GALNT16: variants seen among roughly 807,000 people sequenced by gnomAD.
The protein encoded by GALNT16 is polypeptide N-acetylgalactosaminyltransferase 16.
A neutral mutation model predicts 76.1 loss-of-function variants in GALNT16; 40 were observed. The observed-to-expected ratio is 0.53, with a 90% CI of 0.41 to 0.68. The LOEUF (loss-of-function observed/expected upper bound fraction) is 0.68, where lower values mean the gene tolerates loss of function less well. Ranked by LOEUF, GALNT16 falls within the 30% of genes least tolerant of loss-of-function variation. GALNT16 has a pLI of 0.00. For synonymous variants in GALNT16, 276 were observed against 285.2 expected, an observed-to-expected ratio of 0.97 and a Z score of 0.32; for missense variants, 621 against 731.9, an observed-to-expected ratio of 0.85 and a Z score of 1.75.
chr14:69,374,368 T>A, the GALNT16 span, among the ~76,000 whole-genome samples: 1 of 152,254 alleles, frequency 6.6e-6, no homozygotes, highest in Non-Finnish European at 1.5e-5. Flanking sequence ...CCCTACTGCC[T>A]AAGATCATTC....
chr14:69,331,566 CG>C lies in GALNT16; in HGVS notation c.778+20del. ...CCTTCGTGGAGGTGAGTTCTGCTCCCGGGGGTGGGGCTGTAGACATGAAAGG... is the reference window on the plus strand; with the variant it reads ...CCTTCGTGGAGGTGAGTTCTGCTCCCGGGGTGGGGCTGTAGACATGAAAGG... On this transcript the variant is annotated intron_variant, in intron 7 of 14. Transcript: ENST00000448469. 8 of 1,494,968 alleles carry C rather than the reference CG, an allele frequency of 5.4e-6. No homozygotes were observed. The highest frequency in any genetic ancestry group is 7.5e-6 in the Non-Finnish European group (8 of 1,071,508). 92.6% of individuals were successfully genotyped at this position (1,494,968 alleles called of 1,614,324 possible).
At chr14:69,380,784 C>T in the GALNT16 span, 1 of 583,104 alleles carries the variant, frequency 1.7e-6, no homozygotes, top group Non-Finnish European at 3.1e-6. Context: ...GAGCTACTTA[C>T]ACAGTCGTTG....
chr14:69,308,349 T>C (rs1204929974), intron 1 of GALNT16, among the ~76,000 whole-genome samples: 1 of 152,214 alleles, frequency 6.6e-6, no homozygotes, highest in East Asian at 1.9e-4. Flanking sequence ...CAGTTTTCTA[T>C]CTCACCCCCA....
chr14:69,338,718 T>C lies in GALNT16; in HGVS notation c.1035T>C (p.His345=). The stretch of plus-strand genomic sequence containing the variant: ...TCGTCCCCTGCAGCCGGGTGGGCCA[T>C]GTCTTCAGGAAACGGCACCCCTACA... ...LEIVPCSRVG[H]VFRKRHPYNF... Residue 345 remains histidine, a synonymous_variant, in exon 10 of 15, where the codon CAT becomes CAC. Transcript: ENST00000448469. 6.2e-7 allele frequency: 1 copy of C among 1,613,624 alleles called. No homozygotes were observed. The highest frequency in any genetic ancestry group is 8.5e-7 in the Non-Finnish European group (1 of 1,179,820).
At chr14:69,283,669 G>C (rs1019594026) in intron 1 of GALNT16, among the ~76,000 whole-genome samples, 19 of 152,324 alleles carry the variant, frequency 1.2e-4, no homozygotes, top group Admixed American at 6.5e-4. Flanking sequence ...CCTCAGGCAA[G>C]TTACTTAACC....
intron 1 of GALNT16, among the ~76,000 whole-genome samples, chr14:69,317,085 A>G (rs2045113069): frequency 1.3e-5 from 2 of 151,296 alleles, no homozygotes; most frequent in Non-Finnish European, 2.9e-5. Context: ...TACTTTCACT[A>G]CCCCCTCCAG....
intron 1 of GALNT16, among the ~76,000 whole-genome samples, chr14:69,304,222 C>T (rs4902713): frequency 0.28 from 42,432 of 152,038 alleles, 5,921 homozygotes; most frequent in Admixed American, 0.3. Flanking sequence ...TTCTGATTTG[C>T]AATATCCAAT....
chr14:69,346,323 A>G (rs2045564058), intron 12 of GALNT16, among the ~76,000 whole-genome samples: 1 of 152,220 alleles, frequency 6.6e-6, no homozygotes, highest in Non-Finnish European at 1.5e-5. Context: ...TCTGAGATGA[A>G]TGTCTTTTAC....
intron 11 of GALNT16, 144 bp downstream of exon 11, chr14:69,339,763 C>T: frequency 6.8e-6 from 4 of 590,292 alleles, no homozygotes; most frequent in Admixed American, 3.3e-5. Context: ...TCTTTGGGTC[C>T]TGGGAGGGAA....
At chr14:69,289,913 T>G (rs1322571053) in intron 1 of GALNT16, among the ~76,000 whole-genome samples, 6 of 152,018 alleles carry the variant, frequency 3.9e-5, no homozygotes, top group African/African-American at 1.4e-4. Flanking sequence ...TTTTTTTGTT[T>G]TTTTTAATAG....
At chr14:69,340,445 G>A (rs1422323810) in intron 11 of GALNT16, among the ~76,000 whole-genome samples, 1 of 151,854 alleles carries the variant, frequency 6.6e-6, no homozygotes. Context: ...TGTGGTACTC[G>A]ATGCGTGGCG....
At chr14:69,277,714 T>C (rs1166434567) in intron 1 of GALNT16, among the ~76,000 whole-genome samples, 1 of 152,346 alleles carries the variant, frequency 6.6e-6, no homozygotes, top group African/African-American at 2.4e-5. Flanking sequence ...AGCAGCATGA[T>C]TTATAATCCT....
chr14:69,327,831 T>C (rs1418691802), intron 5 of GALNT16, among the ~76,000 whole-genome samples: 1 of 152,174 alleles, frequency 6.6e-6, no homozygotes, highest in African/African-American at 2.4e-5. Flanking sequence ...CTGGTGAGGC[T>C]ATCGGGGGAC....
chr14:69,303,973 T>C (rs10498529), intron 1 of GALNT16, among the ~76,000 whole-genome samples: 23,204 of 152,178 alleles, frequency 0.15, 2,618 homozygotes, highest in East Asian at 0.43. Context: ...CATCTTTCCA[T>C]GTTAAAAAAT....
intron 5 of GALNT16, among the ~76,000 whole-genome samples, chr14:69,327,319 C>T (rs2140173278): frequency 6.6e-6 from 1 of 152,254 alleles, no homozygotes; most frequent in Middle Eastern, 3.4e-3. Flanking sequence ...GATTGCGCCA[C>T]TGCACTCCAG....
Position 69,333,457 on chromosome 14 carries a change from T to C in GALNT16, c.864-40T>C. On this transcript the variant is annotated intron_variant, in intron 8 of 14. Transcript: ENST00000448469. The surrounding 1 kb of genome is among the most constrained non-coding windows in gnomAD (Gnocchi z 4.2). Reference sequence around the variant, plus strand: ...GCCATCTAAAGGGCCTCCTTGCTTCTCCAGCTCACGTGTTGCGTCTTCCCT... The same window carrying C: ...GCCATCTAAAGGGCCTCCTTGCTTCCCCAGCTCACGTGTTGCGTCTTCCCT... 1 of 1,266,260 alleles carries C rather than the reference T, an allele frequency of 7.9e-7. No homozygotes were observed. Among genetic ancestry groups the C allele is most frequent in the Non-Finnish European group, 1.2e-6 (1 of 863,818 alleles). The allele number at this position is 1,266,260 out of a possible 1,614,324, so 78.4% of individuals were successfully genotyped here.
chr14:69,307,074 A>C (rs72625675), intron 1 of GALNT16, among the ~76,000 whole-genome samples: 9,989 of 152,186 alleles, frequency 0.066, 613 homozygotes, highest in East Asian at 0.32. Flanking sequence ...GGGAACTACC[A>C]GGGGAACTCA....
At chr14:69,347,005 G>A (rs180882601) in intron 12 of GALNT16, 35 bp from the exon 13 acceptor site, 5 of 1,613,638 alleles carry the variant, frequency 3.1e-6, no homozygotes, top group East Asian at 2.2e-5. Flanking sequence ...CCTTGGGGGG[G>A]AAAGCACAAG....
At chr14:69,323,014 A>C (rs1440393169) in intron 2 of GALNT16, among the ~76,000 whole-genome samples, 1 of 136,602 alleles carries the variant, frequency 7.3e-6, no homozygotes, top group Non-Finnish European at 1.5e-5. Flanking sequence ...GCACACGTGT[A>C]GGGAAGCAAA....
Sources: gnomAD v4.1 joint callset for allele counts (sites outside exome capture counted in the v4.1 genomes callset) on GRCh38, gnomAD v4.1.1 for gene constraint, Gnocchi (gnomAD v3.1) non-coding constraint, MANE v1.5 for transcripts, NCBI Gene and HGNC (gene_info 2026-07-23, HGNC 2026-07-21) for gene names.